Variants in MMP20 observed in about 807,000 individuals in gnomAD.
The protein encoded by MMP20 is matrix metallopeptidase 20.
MMP20 carries 50 observed loss-of-function variants against 51.8 expected under a neutral mutation model. The observed-to-expected ratio is 0.97, with a 90% CI of 0.77 to 1.22. The LOEUF (loss-of-function observed/expected upper bound fraction) is 1.22, where lower values mean the gene tolerates loss of function less well. Among genes scored for constraint, MMP20 ranks in the 50% most tolerant of loss-of-function variants. The pLI, the probability that MMP20 is intolerant of heterozygous loss-of-function variation, is 0.00. For missense variants in MMP20, 663 were observed against 601.4 expected, an observed-to-expected ratio of 1.10 and a Z score of -1.07; for synonymous variants, 244 against 216.2, an observed-to-expected ratio of 1.13 and a Z score of -1.13.
At chr11:102,584,057 A>G (rs1859226121) in intron 8 of MMP20, among the ~76,000 whole-genome samples, 1 of 152,166 alleles carries the variant, frequency 6.6e-6, no homozygotes, top group Non-Finnish European at 1.5e-5. Flanking sequence ...TGTTTCCAGC[A>G]TTCGTCTATT....
In MMP20 at chr11:102,579,051, C is replaced by T; in HGVS notation, c.1339G>A (p.Val447Ile). 1 of 1,609,454 alleles carries T rather than the reference C, an allele frequency of 6.2e-7. No individual in the cohort carries two copies. Among genetic ancestry groups the T allele is most frequent in the Non-Finnish European group, 8.5e-7 (1 of 1,175,774 alleles). Residue 447 changes from valine (V) to isoleucine (I), a missense_variant, in exon 9 of 10, where the codon GTA becomes ATA. Physicochemically the swap from Val to Ile is conservative, Grantham distance 29. Transcript: ENST00000260228. ...TGGAAACACTTACCATTTAATTCTACAGCAGCATCGATTTGGCCATTTACT... is the reference window on the plus strand; with the variant it reads ...TGGAAACACTTACCATTTAATTCTATAGCAGCATCGATTTGGCCATTTACT... Reference protein sequence around the residue: ...SGVNGQIDAAVELNGYIYFFS... With the variant: ...SGVNGQIDAAIELNGYIYFFS...
At chr11:102,605,299 T>A (rs1859500822) in intron 6 of MMP20, 2 of 152,242 alleles carry the variant, frequency 1.3e-5, no homozygotes, top group South Asian at 4.2e-4. Context: ...GAGGAATACA[T>A]TTCTGTTGTC....
intron 2 of MMP20, among the ~76,000 whole-genome samples, chr11:102,612,337 A>C (rs1198955488): frequency 6.6e-6 from 1 of 152,124 alleles, no homozygotes; most frequent in East Asian, 1.9e-4. Context: ...TGGTGGTGCA[A>C]ACCTGTAGTC....
intron 8 of MMP20, among the ~76,000 whole-genome samples, chr11:102,587,508 C>A (rs2135930674): frequency 6.6e-6 from 1 of 152,224 alleles, no homozygotes; most frequent in Middle Eastern, 3.4e-3. Context: ...CTTTGTTGAT[C>A]TCTCTGGTTG....
At chr11:102,580,446 G>T (rs1859179559) in intron 8 of MMP20, among the ~76,000 whole-genome samples, 1 of 152,090 alleles carries the variant, frequency 6.6e-6, no homozygotes, top group Non-Finnish European at 1.5e-5. Context: ...CTCTTGAAAT[G>T]TCCCTCTTGT....
At position 102,606,682 on chromosome 11, in the gene MMP20, AT is replaced by A. The variant is rs1290501725; in HGVS notation, c.812-7del. ...CAGGAATACTTTCCGAGGTCCTAGG[AT>A]TCAAAATGAGTTGGTCAAAATGGTA... On this transcript the variant is annotated splice_polypyrimidine_tract_variant and splice_region_variant and intron_variant, in intron 5 of 9. Coordinates refer to ENST00000260228, the MANE Select transcript of MMP20 (RefSeq NM_004771.4). 2 of 1,613,828 alleles carry A rather than the reference AT, an allele frequency of 1.2e-6. No homozygotes were observed. Among genetic ancestry groups the A allele is most frequent in the Non-Finnish European group, 1.7e-6 (2 of 1,179,882 alleles).
chr11:102,610,214 G>A (rs1859579976), intron 3 of MMP20, among the ~76,000 whole-genome samples, 184 bp from the exon 4 acceptor site: 3 of 152,192 alleles, frequency 2.0e-5, no homozygotes, highest in Admixed American at 2.0e-4. Flanking sequence ...AATAAAAAAG[G>A]CTAATTCATA....
chr11:102,606,302 C>T (rs935354230), intron 6 of MMP20, among the ~76,000 whole-genome samples: 2 of 152,154 alleles, frequency 1.3e-5, no homozygotes, highest in Non-Finnish European at 2.9e-5. Flanking sequence ...TAAATATTGT[C>T]CATATATGGA....
At chr11:102,625,040 T>C (rs1859802673) in intron 1 of MMP20, among the ~76,000 whole-genome samples, 154 bp downstream of exon 1, 1 of 152,184 alleles carries the variant, frequency 6.6e-6, no homozygotes, top group Admixed American at 6.5e-5. Context: ...GACACCAATC[T>C]AGGTGGACAG....
chr11:102,605,477 C>G (rs978296030), intron 6 of MMP20: 1 of 151,510 alleles, frequency 6.6e-6, no homozygotes, highest in Non-Finnish European at 1.5e-5. Flanking sequence ...CAATATATCC[C>G]CAAAAGCATA....
chr11:102,578,481 G>T (rs17098593), intron 9 of MMP20, among the ~76,000 whole-genome samples: 2 of 152,070 alleles, frequency 1.3e-5, no homozygotes, highest in Non-Finnish European at 2.9e-5. Context: ...TCTTGACCCC[G>T]GTAGACTTTA....
intron 8 of MMP20, among the ~76,000 whole-genome samples, chr11:102,590,229 T>A (rs532068551): frequency 1.4e-4 from 21 of 152,038 alleles, no homozygotes; most frequent in African/African-American, 4.8e-4. Flanking sequence ...ATGTAAAAAA[T>A]GAAAAACTGA....
chr11:102,578,540 T>C (rs1859153310), intron 9 of MMP20, among the ~76,000 whole-genome samples: 1 of 152,022 alleles, frequency 6.6e-6, no homozygotes. Context: ...AACTTTCCAT[T>C]AGGTGGCCAA....
rs1165472256 is a variant in MMP20, at chr11:102,594,730, C to A, written c.981G>T (p.Leu327Phe). ...DRIFWRRQVH[L>F]RTGIRPSTIT... ...TAGTGCTGGGCCGAATTCCTGTCCG[C>A]AAGTGAACCTGCCGTCTCCAGAAAA... is the stretch of plus-strand genomic sequence containing the variant. Residue 327 changes from leucine to phenylalanine, a missense_variant, in exon 7 of 10, where the codon TTG (leucine) becomes TTT (phenylalanine). Coordinates refer to ENST00000260228, the MANE Select transcript of MMP20 (RefSeq NM_004771.4). The A allele has an allele frequency of 3.8e-6, 6 of 1,593,926 alleles. No homozygotes were observed. The African/African-American group carries it at 8.8e-5, about 23-fold the overall frequency.
At position 102,577,337 on chromosome 11, in the gene MMP20, T is replaced by A. The variant is rs761690363; in HGVS notation, c.1441A>T (p.Ile481Phe). The A allele has an allele frequency of 8.7e-6, 14 of 1,612,340 alleles. No individual in the cohort carries two copies. In the South Asian group the frequency reaches 1.5e-4, roughly 18 times the overall value. The change falls in exon 10 of 10, where the codon ATT becomes TTT. Residue 481 changes from isoleucine to phenylalanine, a missense_variant. Ile to Phe is a conservative substitution (Grantham distance 21). Transcript: ENST00000260228. ...CTAGGCTTTTCTATTTAGCAACCAA[T>A]CCAGGAACTAGATTTCACCACACTA... ...VVSVVKSSSWIGC is the reference protein window; with the variant it reads ...VVSVVKSSSWFGC
chr11:102,613,374 C>T (rs919997134), intron 2 of MMP20, among the ~76,000 whole-genome samples: 2 of 151,170 alleles, frequency 1.3e-5, no homozygotes, highest in African/African-American at 4.9e-5. Flanking sequence ...CCTGCTTTCT[C>T]TCTCTCTCTC....
chr11:102,614,059 C>G (rs1859636775), intron 2 of MMP20, among the ~76,000 whole-genome samples: 1 of 152,190 alleles, frequency 6.6e-6, no homozygotes, highest in Non-Finnish European at 1.5e-5. Context: ...AGCCAATATT[C>G]TTTGAAGTCA....
chr11:102,581,941 A>T (rs892853538), intron 8 of MMP20, among the ~76,000 whole-genome samples: 1 of 152,184 alleles, frequency 6.6e-6, no homozygotes, highest in African/African-American at 2.4e-5. Context: ...ATATCCTCTC[A>T]TCACTGAGGT....
Position 102,616,751 on chromosome 11 carries a change from A to C in MMP20, c.374+61T>G, listed in dbSNP as rs113689542. ...ATGAGAAGGAAAATATTTTTTCAAGAAAAGGGAAAAAGAGAGAGGTGGTGT... is the reference window on the plus strand; with the variant it reads ...ATGAGAAGGAAAATATTTTTTCAAGCAAAGGGAAAAAGAGAGAGGTGGTGT... On this transcript the variant is annotated intron_variant, in intron 2 of 9. Coordinates refer to ENST00000260228, the MANE Select transcript of MMP20 (RefSeq NM_004771.4). 72 of 1,600,326 alleles carry C rather than the reference A, an allele frequency of 4.5e-5. 1 individual carries two copies. In the African/African-American group the frequency reaches 8.3e-4, roughly 19 times the overall value.
Sources: allele counts gnomAD v4.1 joint callset (sites outside exome capture counted in the v4.1 genomes callset), GRCh38; gene constraint gnomAD v4.1.1; transcripts MANE v1.5; gene names NCBI Gene and HGNC (gene_info 2026-07-23, HGNC 2026-07-21).